HSD17B6: variants seen among roughly 807,000 people sequenced by gnomAD.
The protein encoded by HSD17B6 is 17-beta-hydroxysteroid dehydrogenase type 6.
In HSD17B6, 16 loss-of-function variants were observed where a neutral mutation model predicts 26.4. That is an observed-to-expected ratio of 0.61 (90% CI 0.41 to 0.92). HSD17B6 has a LOEUF of 0.92. Among genes scored for constraint, HSD17B6 ranks in the 40% least tolerant of loss-of-function variants. The pLI, the probability that HSD17B6 is intolerant of heterozygous loss-of-function variation, is 0.00. For synonymous variants in HSD17B6, 139 were observed against 153.0 expected (o/e 0.91, Z 0.68); for missense variants, 357 against 386.1 (o/e 0.92, Z 0.63).
chr12:56,767,639 A>AATATATTATATATATTATATATATAGTGT (rs1954365576), intron 1 of HSD17B6, among the ~76,000 whole-genome samples: 5 of 140,466 alleles, frequency 3.6e-5, no homozygotes, highest in African/African-American at 5.2e-5. Context: ...ATATTATATT[A>AATATATTATATATATTATATATATAGTGT]ATATATTATA....
intron 1 of HSD17B6, 46 bp from the exon 2 acceptor site, chr12:56,773,788 G>A: frequency 1.4e-6 from 2 of 1,478,052 alleles, no homozygotes; most frequent in South Asian, 2.8e-5. Context: ...TAGATATATT[G>A]GTTAAATAAT....
At chr12:56,776,287 A>G (rs924739462) in intron 2 of HSD17B6, among the ~76,000 whole-genome samples, 5 of 136,014 alleles carry the variant, frequency 3.7e-5, no homozygotes, top group African/African-American at 1.4e-4. Context: ...TGCATTTAAG[A>G]TTCCTTCATG....
chr12:56,777,608 C>A (rs1333566990), intron 2 of HSD17B6, among the ~76,000 whole-genome samples: 2 of 152,146 alleles, frequency 1.3e-5, no homozygotes. Flanking sequence ...GGTGATCCGC[C>A]TGTCTTGGCC....
In HSD17B6 at chr12:56,787,147, G is replaced by A. The variant is rs768736082; in HGVS notation, c.759G>A (p.Gly253=). The change falls in exon 5 of 5, where the codon GGG becomes GGA. Residue 253 remains glycine, a synonymous_variant. Coordinates refer to ENST00000322165, the MANE Select transcript of HSD17B6 (RefSeq NM_003725.4). ...CAGTTTACAATATCATGAAGGAAGGGCTGTTGAATTGTAGCACAAACCTGA... is the reference window on the plus strand; with the variant it reads ...CAGTTTACAATATCATGAAGGAAGGACTGTTGAATTGTAGCACAAACCTGA... ...FDALYNIMKE[G]LLNCSTNLNL... The A allele has an allele frequency of 1.2e-6, 2 of 1,613,616 alleles. No homozygotes were observed. Among genetic ancestry groups the A allele is most frequent in the South Asian group, 2.2e-5 (2 of 91,070 alleles).
At chr12:56,770,989 C>T (rs1311562029) in intron 1 of HSD17B6, among the ~76,000 whole-genome samples, 1 of 152,114 alleles carries the variant, frequency 6.6e-6, no homozygotes, top group South Asian at 2.1e-4. Flanking sequence ...AGTTGTGGCA[C>T]CCTCCGATCT....
At chr12:56,767,645 TTA>T (rs1245871969) in intron 1 of HSD17B6, among the ~76,000 whole-genome samples, 98 of 141,166 alleles carry the variant, frequency 6.9e-4, no homozygotes, top group Admixed American at 2.3e-3. Context: ...TATTAATATA[TTA>T]TATATATTAT....
At chr12:56,769,394 G>A (rs553068242) in intron 1 of HSD17B6, among the ~76,000 whole-genome samples, 1 of 152,176 alleles carries the variant, frequency 6.6e-6, no homozygotes, top group Non-Finnish European at 1.5e-5. Context: ...GAGCCACCGT[G>A]CCTGGCCTAG....
intron 1 of HSD17B6, among the ~76,000 whole-genome samples, chr12:56,771,125 C>G (rs1954461709): frequency 6.6e-6 from 1 of 152,180 alleles, no homozygotes; most frequent in South Asian, 2.1e-4. Context: ...AGTCTTTGCT[C>G]AGGCTCATGG....
At chr12:56,786,034 G>T in intron 4 of HSD17B6, 1 of 764,924 alleles carries the variant, frequency 1.3e-6, no homozygotes, top group Non-Finnish European at 1.6e-6. Context: ...TTCTTTTTGG[G>T]ATGATGAAAA....
chr12:56,778,394 T>G (rs1356182950), intron 2 of HSD17B6, among the ~76,000 whole-genome samples: 1 of 152,000 alleles, frequency 6.6e-6, no homozygotes, highest in Non-Finnish European at 1.5e-5. Context: ...TTCCAGCGAT[T>G]CTGCTGCCTC....
intron 2 of HSD17B6, among the ~76,000 whole-genome samples, chr12:56,780,177 G>T (rs974431705): frequency 6.6e-5 from 10 of 152,020 alleles, no homozygotes; most frequent in African/African-American, 1.9e-4. Flanking sequence ...TTATTTTGGT[G>T]TGTTTAGGTA....
At chr12:56,781,727 C>T (rs766654883) in intron 2 of HSD17B6, among the ~76,000 whole-genome samples, 3 of 152,214 alleles carry the variant, frequency 2.0e-5, no homozygotes, top group African/African-American at 4.8e-5. Flanking sequence ...TGCTTGAACC[C>T]GGGAGGCAGA....
chr12:56,787,579 TG>T lies in HSD17B6; in HGVS notation c.*238del. The T allele has an allele frequency of 2.0e-6, 1 of 496,136 alleles. No individual in the cohort carries two copies. Among genetic ancestry groups the T allele is most frequent in the Middle Eastern group, 5.4e-4 (1 of 1,852 alleles). 30.7% of individuals were successfully genotyped at this position (496,136 alleles called of 1,614,324 possible). Reference sequence around the variant, plus strand: ...TTTTGATGAGACTATTTGTCTAAAGTGAATCATTTGTTCTTGCCTTATTAAA... The same window carrying T: ...TTTTGATGAGACTATTTGTCTAAAGTAATCATTTGTTCTTGCCTTATTAAA... On this transcript the variant is annotated 3_prime_UTR_variant, in exon 5 of 5. Transcript: ENST00000322165.
intron 3 of HSD17B6, among the ~76,000 whole-genome samples, chr12:56,783,932 C>T (rs987748580): frequency 6.6e-6 from 1 of 150,804 alleles, no homozygotes; most frequent in African/African-American, 2.4e-5. Context: ...GGGCGGTTGC[C>T]AGGCGGAGGG....
chr12:56,785,816 T>G, intron 4 of HSD17B6: 1 of 220,974 alleles, frequency 4.5e-6, no homozygotes, highest in South Asian at 1.6e-4. Flanking sequence ...GGAGAAAGCA[T>G]GTAGGTGGGA....
intron 3 of HSD17B6, among the ~76,000 whole-genome samples, chr12:56,784,572 C>G (rs969232500): frequency 2.6e-5 from 4 of 152,090 alleles, no homozygotes; most frequent in African/African-American, 9.7e-5. Flanking sequence ...AGGCACTTGG[C>G]AGGCTGAGGC....
intron 4 of HSD17B6, 132 bp from the exon 5 acceptor site, chr12:56,786,993 T>A: frequency 1.5e-6 from 1 of 654,346 alleles, no homozygotes; most frequent in Non-Finnish European, 2.6e-6. Flanking sequence ...GGCTAGTGGC[T>A]ATCATATTGG....
chr12:56,782,360 A>C (rs1954739765), intron 3 of HSD17B6, 128 bp downstream of exon 3: 8 of 920,276 alleles, frequency 8.7e-6, no homozygotes, highest in Non-Finnish European at 1.3e-5. Context: ...TTACTAGTCT[A>C]TTTTATATAG....
intron 2 of HSD17B6, among the ~76,000 whole-genome samples, chr12:56,776,034 G>T (rs10459246): frequency 0.43 from 65,635 of 151,892 alleles, 15,594 homozygotes; most frequent in African/African-American, 0.64. Context: ...CAAGCGATTC[G>T]CCTTTCTCAG....
Sources: allele counts gnomAD v4.1 joint callset (sites outside exome capture counted in the v4.1 genomes callset), GRCh38; gene constraint gnomAD v4.1.1; transcripts MANE v1.5; gene names NCBI Gene and HGNC (gene_info 2026-07-23, HGNC 2026-07-21).